The following DGKB variants were observed in gnomAD, a reference collection of about 807,000 sequenced individuals.
The protein encoded by DGKB is 90 kDa diacylglycerol kinase.
In DGKB, 67 loss-of-function variants were observed where a neutral mutation model predicts 114.3. The ratio of observed to expected loss-of-function variants is 0.59; its 90% CI spans 0.48 to 0.72. The LOEUF (loss-of-function observed/expected upper bound fraction) is 0.72. Ranked by LOEUF, DGKB falls within the 30% of genes least tolerant of loss-of-function variation. DGKB has a pLI of 0.00. For missense variants in DGKB, 907 were observed against 975.2 expected (o/e 0.93, Z 0.93); for synonymous variants, 398 against 323.1 (o/e 1.23, Z -2.49).
chr7:14,857,855 A>T, intron 1 of DGKB, among the ~76,000 whole-genome samples: 1 of 152,184 alleles, frequency 6.6e-6, no homozygotes, highest in East Asian at 1.9e-4. Context: ...ATATTTTATA[A>T]TTTATTATAC....
intron 21 of DGKB, among the ~76,000 whole-genome samples, chr7:14,430,391 T>C (rs1157577380): frequency 1.3e-5 from 2 of 152,222 alleles, no homozygotes; most frequent in Non-Finnish European, 2.9e-5. Context: ...GAGATATAAG[T>C]CACAATCTGC....
chr7:14,795,654 G>T (rs1034570537), intron 2 of DGKB, among the ~76,000 whole-genome samples: 3 of 152,068 alleles, frequency 2.0e-5, no homozygotes, highest in African/African-American at 7.2e-5. Context: ...CCTGGAGTGG[G>T]AGGGGCCACT....
intron 15 of DGKB, 49 bp downstream of exon 15, chr7:14,621,329 G>A (rs1188473726): frequency 2.7e-6 from 3 of 1,119,076 alleles, no homozygotes; most frequent in Non-Finnish European, 1.3e-6. Flanking sequence ...TTAGAGCCTA[G>A]AAGTATCAAA....
At chr7:14,889,575 A>G (rs1310051929) in intron 1 of DGKB, among the ~76,000 whole-genome samples, 1 of 151,524 alleles carries the variant, frequency 6.6e-6, no homozygotes, top group Non-Finnish European at 1.5e-5. Flanking sequence ...GGGAAACTGA[A>G]GTTGTGTATC....
At chr7:14,181,383 C>T (rs867522345) in intron 23 of DGKB, among the ~76,000 whole-genome samples, 3 of 152,162 alleles carry the variant, frequency 2.0e-5, no homozygotes, top group Middle Eastern at 3.2e-3. Context: ...AATGTTCCAG[C>T]ATTAATTCCA....
chr7:14,902,620 G>C lies in DGKB; in HGVS notation c.-216C>G, dbSNP rs1212198319. On this transcript the variant is annotated 5_prime_UTR_variant, in exon 1 of 26. Transcript: ENST00000402815. The stretch of plus-strand genomic sequence containing the variant: ...AGTGTGATGCAGGCGAAAGCTGAGC[G>C]CATCTCTGAAGCGAGAGCCACTGCT... 6.6e-6 allele frequency: 1 copy of C among 152,236 alleles called. No homozygotes were observed. Among genetic ancestry groups the C allele is most frequent in the African/African-American group, 2.4e-5 (1 of 41,452 alleles). 9.4% of individuals were successfully genotyped at this position (152,236 alleles called of 1,614,324 possible).
chr7:14,197,673 AT>A (rs1785223850), intron 23 of DGKB, among the ~76,000 whole-genome samples: 1 of 152,156 alleles, frequency 6.6e-6, no homozygotes, highest in Non-Finnish European at 1.5e-5. Flanking sequence ...AAGCTTCCAT[AT>A]AGAACCATCC....
intron 23 of DGKB, among the ~76,000 whole-genome samples, chr7:14,287,225 A>C (rs1198068634): frequency 6.6e-6 from 1 of 152,120 alleles, no homozygotes; most frequent in Non-Finnish European, 1.5e-5. Context: ...AGCATGTTGA[A>C]TATATCTGAT....
intron 6 of DGKB, among the ~76,000 whole-genome samples, chr7:14,717,270 C>T (rs1383359373): frequency 5.3e-5 from 8 of 151,988 alleles, no homozygotes; most frequent in African/African-American, 1.9e-4. Context: ...ATGGATGGGG[C>T]CTTTATTCAT....
At chr7:14,656,563 A>G (rs1436842992) in intron 13 of DGKB, among the ~76,000 whole-genome samples, 1 of 151,554 alleles carries the variant, frequency 6.6e-6, no homozygotes. Context: ...ATATTAAACT[A>G]AAAGATTTTC....
intron 13 of DGKB, among the ~76,000 whole-genome samples, chr7:14,632,187 A>G (rs1809852451): frequency 6.6e-6 from 1 of 151,986 alleles, no homozygotes; most frequent in East Asian, 1.9e-4. Context: ...AAAGCAACAG[A>G]AGGCATTTTG....
At chr7:14,387,637 G>C (rs1299543845) in intron 21 of DGKB, among the ~76,000 whole-genome samples, 2 of 151,960 alleles carry the variant, frequency 1.3e-5, no homozygotes. Flanking sequence ...TCCTGGTCTT[G>C]AACTACTGGG....
intron 1 of DGKB, among the ~76,000 whole-genome samples, chr7:14,927,674 A>G (rs977915556): frequency 6.6e-6 from 1 of 152,028 alleles, no homozygotes; most frequent in Non-Finnish European, 1.5e-5. Context: ...TACCTTTTTC[A>G]ATTACCATTT....
At chr7:14,149,287 G>T in intron 25 of DGKB, 49 bp from the exon 26 acceptor site, 2 of 1,391,578 alleles carry the variant, frequency 1.4e-6, no homozygotes, top group Non-Finnish European at 2.0e-6. Context: ...GTAATCTCCA[G>T]ATAGATACAA....
At chr7:14,432,316 G>T (rs1354057664) in intron 21 of DGKB, among the ~76,000 whole-genome samples, 1 of 152,096 alleles carries the variant, frequency 6.6e-6, no homozygotes, top group African/African-American at 2.4e-5. Context: ...GCAAAAATGA[G>T]GAGTAGACAT....
chr7:14,151,056 T>A (rs568859971), intron 25 of DGKB, among the ~76,000 whole-genome samples: 1 of 152,170 alleles, frequency 6.6e-6, no homozygotes, highest in Non-Finnish European at 1.5e-5. Flanking sequence ...TTTTGAACAT[T>A]GAAAATGAAA....
At chr7:14,268,087 T>A (rs10278505) in intron 23 of DGKB, among the ~76,000 whole-genome samples, 22,338 of 152,092 alleles carry the variant, frequency 0.15, 2,038 homozygotes, top group East Asian at 0.32. Context: ...GTTTTGGAGA[T>A]GAGTCAAGTC....
chr7:14,942,995 G>GTA (rs1785656645), intron 1 of DGKB, among the ~76,000 whole-genome samples: 2 of 151,510 alleles, frequency 1.3e-5, no homozygotes, highest in African/African-American at 2.4e-5. Context: ...CAGGGATGTA[G>GTA]TCTATTTCAT....
rs573837319 is a variant in DGKB, at chr7:14,938,342, A to C, written c.-188+36354T>G. On this transcript the variant is annotated intron_variant, in intron 1 of 4. Coordinates refer to the DGKB transcript ENST00000437998. ...ACAGAGCAAGTAAGAAGAGCTGGAG[A>C]GTAAACATGTTTAGGCGTTTAAGAT... Among the ~76,000 whole-genome samples, 4 of 152,358 alleles carry C rather than the reference A, an allele frequency of 2.6e-5. No individual in the cohort carries two copies. The South Asian group carries it at 6.2e-4, about 24-fold the overall frequency.
Sources: gnomAD v4.1 joint callset for allele counts (sites outside exome capture counted in the v4.1 genomes callset) on GRCh38, gnomAD v4.1.1 for gene constraint, MANE v1.5 for transcripts, NCBI Gene and HGNC (gene_info 2026-07-23, HGNC 2026-07-21) for gene names.